PRKCB: variants seen among roughly 807,000 people sequenced by gnomAD.
PRKCB encodes protein kinase C beta.
In PRKCB, 13 loss-of-function variants were observed where a neutral mutation model predicts 81.5. That is an observed-to-expected ratio of 0.16 (90% CI 0.10 to 0.25). PRKCB has a LOEUF of 0.25. PRKCB is among the 10% of genes least tolerant of loss of function. The pLI, the probability that PRKCB is intolerant of heterozygous loss-of-function variation, is 1.00. For synonymous variants in PRKCB, 335 were observed against 321.4 expected (o/e 1.04, Z -0.45); for missense variants, 509 against 875.7 (o/e 0.58, Z 5.29).
At chr16:24,209,175 C>T (rs1467056285) in intron 16 of PRKCB, among the ~76,000 whole-genome samples, 1 of 152,148 alleles carries the variant, frequency 6.6e-6, no homozygotes, top group African/African-American at 2.4e-5. Context: ...AGCAAATGTG[C>T]TTCCTAGACT....
At chr16:24,192,826 C>T (rs1430460669) in intron 16 of PRKCB, among the ~76,000 whole-genome samples, 1 of 152,160 alleles carries the variant, frequency 6.6e-6, no homozygotes, top group East Asian at 1.9e-4. Context: ...GCCCAGTGTT[C>T]TGTGTTTAAT....
At chr16:24,128,114 C>T (rs572328650) in intron 9 of PRKCB, among the ~76,000 whole-genome samples, 24 of 150,230 alleles carry the variant, frequency 1.6e-4, no homozygotes, top group Middle Eastern at 6.8e-3. Context: ...CGGTGGTTTG[C>T]GCCTGTAATC....
chr16:24,012,345 C>T (rs1330170064), intron 3 of PRKCB, among the ~76,000 whole-genome samples: 2 of 152,212 alleles, frequency 1.3e-5, no homozygotes, highest in African/African-American at 4.8e-5. Context: ...GAGAAGTGAA[C>T]TGACTTGCCA....
At chr16:23,891,567 CTA>C (rs1963295648) in intron 2 of PRKCB, among the ~76,000 whole-genome samples, 1 of 152,094 alleles carries the variant, frequency 6.6e-6, no homozygotes, top group Non-Finnish European at 1.5e-5. Context: ...GCTCAATTTT[CTA>C]TGTTAGGCCT....
Position 24,154,785 on chromosome 16 carries a change from G to A in PRKCB, c.1167G>A (p.Val389=), listed in dbSNP as rs1418932925. ...ATGATGACGTGGAGTGCACTATGGTGGAGAAGCGGGTGTTGGCCCTGCCTG... is the reference window on the plus strand; with the variant it reads ...ATGATGACGTGGAGTGCACTATGGTAGAGAAGCGGGTGTTGGCCCTGCCTG... The part of the protein sequence containing the change: ...IQDDDVECTM[V]EKRVLALPGK... The change falls in exon 10 of 17, where the codon GTG becomes GTA. Residue 389 remains valine, a synonymous_variant. Transcript: ENST00000643927. 1 of 1,614,244 alleles carries A rather than the reference G, an allele frequency of 6.2e-7. No individual in the cohort carries two copies. The highest frequency in any genetic ancestry group is 2.2e-5 in the East Asian group (1 of 44,884).
At chr16:23,945,920 C>T (rs2141772818) in intron 2 of PRKCB, among the ~76,000 whole-genome samples, 1 of 152,170 alleles carries the variant, frequency 6.6e-6, no homozygotes, top group Non-Finnish European at 1.5e-5. Flanking sequence ...CTGGCCCTAC[C>T]ACACCACCAG....
At chr16:24,168,714 CTAT>C (rs1221913322) in intron 10 of PRKCB, among the ~76,000 whole-genome samples, 4 of 120,852 alleles carry the variant, frequency 3.3e-5, no homozygotes, top group Admixed American at 8.3e-5. Context: ...CCATGCCTGG[CTAT>C]TTTTTTTTTT....
chr16:23,882,956 G>C (rs754458206), intron 2 of PRKCB, among the ~76,000 whole-genome samples: 1 of 151,982 alleles, frequency 6.6e-6, no homozygotes, highest in African/African-American at 2.4e-5. Flanking sequence ...AAACTGTCTC[G>C]GGAAGATTTT....
At chr16:24,034,033 A>G (rs114827361) in intron 4 of PRKCB, among the ~76,000 whole-genome samples, 8,369 of 152,220 alleles carry the variant, frequency 0.055, 279 homozygotes, top group African/African-American at 0.076. Context: ...GACAGCAGAG[A>G]CAAGAGACAT....
chr16:24,112,665 T>C (rs1484549793), intron 7 of PRKCB, among the ~76,000 whole-genome samples: 4 of 152,192 alleles, frequency 2.6e-5, no homozygotes, highest in African/African-American at 9.7e-5. Context: ...AATTTAACGA[T>C]ATAACTAAGA....
chr16:23,910,229 A>T (rs772642805), intron 2 of PRKCB, among the ~76,000 whole-genome samples: 1 of 152,066 alleles, frequency 6.6e-6, no homozygotes, highest in Non-Finnish European at 1.5e-5. Flanking sequence ...CACTTGATGG[A>T]AAGAGTCAAG....
At chr16:24,072,848 C>G (rs11646876) in intron 5 of PRKCB, among the ~76,000 whole-genome samples, 11,417 of 152,216 alleles carry the variant, frequency 0.075, 626 homozygotes, top group African/African-American at 0.13. Flanking sequence ...TCCCAAAGCA[C>G]TGGGATTACA....
intron 3 of PRKCB, among the ~76,000 whole-genome samples, chr16:24,019,991 C>T (rs747142987): frequency 1.6e-4 from 25 of 152,044 alleles, no homozygotes; most frequent in Non-Finnish European, 3.1e-4. Flanking sequence ...GTTATTTTAC[C>T]TTCGTCCAAC....
chr16:23,897,317 G>A (rs1021413456), intron 2 of PRKCB, among the ~76,000 whole-genome samples: 4 of 152,188 alleles, frequency 2.6e-5, no homozygotes, highest in African/African-American at 2.4e-5. Context: ...TGGGGACTTC[G>A]TGCTGTGACA....
intron 5 of PRKCB, among the ~76,000 whole-genome samples, chr16:24,080,366 G>A (rs1472717683): frequency 6.6e-6 from 1 of 152,174 alleles, no homozygotes; most frequent in Non-Finnish European, 1.5e-5. Flanking sequence ...CACAAAATGA[G>A]AAAGAGGCAG....
At chr16:23,949,236 C>T (rs186111246) in intron 2 of PRKCB, among the ~76,000 whole-genome samples, 17 of 152,262 alleles carry the variant, frequency 1.1e-4, no homozygotes, top group South Asian at 4.1e-4. Flanking sequence ...AAAGAACGAA[C>T]GAATGGACAA....
intron 3 of PRKCB, among the ~76,000 whole-genome samples, chr16:24,004,052 A>C (rs1965079375): frequency 2.6e-5 from 4 of 152,194 alleles, no homozygotes; most frequent in Non-Finnish European, 5.9e-5. Flanking sequence ...CAATCTAGAG[A>C]TAAAACAACA....
chr16:24,179,898 A>G (rs1434331357), intron 12 of PRKCB, among the ~76,000 whole-genome samples: 1 of 152,120 alleles, frequency 6.6e-6, no homozygotes, highest in African/African-American at 2.4e-5. Flanking sequence ...TTACTGCTAC[A>G]TACTATACCT....
At chr16:23,890,093 T>C (rs540514853) in intron 2 of PRKCB, among the ~76,000 whole-genome samples, 75 of 152,338 alleles carry the variant, frequency 4.9e-4, no homozygotes, top group African/African-American at 1.6e-3. Context: ...AATAAATCAG[T>C]TAATGAATGG....
Sources: allele counts gnomAD v4.1 joint callset (sites outside exome capture counted in the v4.1 genomes callset), GRCh38; gene constraint gnomAD v4.1.1; transcripts MANE v1.5; gene names NCBI Gene and HGNC (gene_info 2026-07-23, HGNC 2026-07-21).